The following ERC2 variants were observed in gnomAD, a reference collection of about 807,000 sequenced individuals.
ERC2 encodes the protein ERC protein 2.
Under a neutral mutation model 114.8 loss-of-function variants are expected in ERC2, and 42 were observed. That is an observed-to-expected ratio of 0.37 (90% CI 0.29 to 0.47). ERC2 has a LOEUF of 0.47. Among genes scored for constraint, ERC2 ranks in the 20% least tolerant of loss-of-function variants. The pLI is 0.99. For missense variants in ERC2, 939 were observed against 1,150.7 expected (o/e 0.82, Z 2.66); for synonymous variants, 454 against 425.5 (o/e 1.07, Z -0.82).
At chr3:56,075,341 G>A (rs572054388) in intron 7 of ERC2, among the ~76,000 whole-genome samples, 3 of 152,248 alleles carry the variant, frequency 2.0e-5, no homozygotes, top group South Asian at 2.1e-4. Context: ...GAGAGCAGCC[G>A]TCAACAGAAA....
intron 2 of ERC2, among the ~76,000 whole-genome samples, chr3:56,398,481 A>G (rs2060396145): frequency 6.6e-6 from 1 of 152,218 alleles, no homozygotes; most frequent in Admixed American, 6.5e-5. Flanking sequence ...CATTTGAGAC[A>G]TACTTATACT....
At chr3:56,142,131 C>T (rs2080890591) in intron 5 of ERC2, among the ~76,000 whole-genome samples, 1 of 152,074 alleles carries the variant, frequency 6.6e-6, no homozygotes, top group African/African-American at 2.4e-5. Flanking sequence ...ATTCACGTTT[C>T]TATTTAGCTG....
At chr3:55,520,251 C>A (rs1253258254) in intron 17 of ERC2, among the ~76,000 whole-genome samples, 1 of 151,272 alleles carries the variant, frequency 6.6e-6, no homozygotes, top group Non-Finnish European at 1.5e-5. Context: ...GCCTGGCCAA[C>A]GTGGTGAAAC....
At chr3:55,642,445 G>T (rs910622291) in intron 17 of ERC2, among the ~76,000 whole-genome samples, 2 of 149,734 alleles carry the variant, frequency 1.3e-5, no homozygotes, top group African/African-American at 4.9e-5. Context: ...AGCAATTCTT[G>T]TGCCTCAGCC....
intron 17 of ERC2, among the ~76,000 whole-genome samples, chr3:55,519,545 A>T (rs1391810286): frequency 6.6e-6 from 1 of 152,220 alleles, no homozygotes; most frequent in East Asian, 1.9e-4. Flanking sequence ...TTTAATACTT[A>T]GTACCATGAA....
intron 1 of ERC2, among the ~76,000 whole-genome samples, chr3:56,443,760 T>C (rs535376697): frequency 3.3e-5 from 5 of 152,204 alleles, no homozygotes; most frequent in Admixed American, 2.0e-4. Flanking sequence ...ATCAACTTTA[T>C]TGAGCAATCA....
At chr3:55,875,557 G>C (rs1423468740) in intron 14 of ERC2, among the ~76,000 whole-genome samples, 2 of 152,110 alleles carry the variant, frequency 1.3e-5, no homozygotes, top group African/African-American at 4.8e-5. Context: ...TGTCCCACTT[G>C]ACTGGCAGCT....
At chr3:56,172,341 A>G (rs763711346) in intron 4 of ERC2, among the ~76,000 whole-genome samples, 4 of 152,188 alleles carry the variant, frequency 2.6e-5, no homozygotes, top group Non-Finnish European at 5.9e-5. Flanking sequence ...AATGACCTAT[A>G]TTATTTTCAC....
chr3:56,020,684 A>T (rs2073646613), intron 7 of ERC2, among the ~76,000 whole-genome samples: 1 of 152,216 alleles, frequency 6.6e-6, no homozygotes, highest in African/African-American at 2.4e-5. Flanking sequence ...ACATTTGTGT[A>T]CACACATGTA....
intron 13 of ERC2, among the ~76,000 whole-genome samples, chr3:55,940,463 A>G (rs1468606897): frequency 6.6e-6 from 1 of 152,120 alleles, no homozygotes; most frequent in Non-Finnish European, 1.5e-5. Context: ...GCAAGAGCCA[A>G]GAGTCCAGCT....
chr3:55,542,063 G>T (rs371929128), intron 17 of ERC2, among the ~76,000 whole-genome samples: 2 of 152,168 alleles, frequency 1.3e-5, no homozygotes, highest in African/African-American at 4.8e-5. Flanking sequence ...TTTTACTGTT[G>T]AGAAAATTGA....
At chr3:56,360,446 G>A (rs1437279094) in intron 2 of ERC2, among the ~76,000 whole-genome samples, 2 of 152,098 alleles carry the variant, frequency 1.3e-5, no homozygotes, top group African/African-American at 4.8e-5. Context: ...TTGTCTAATG[G>A]GAAGGAAAGA....
At chr3:55,747,782 A>G (rs963620757) in intron 14 of ERC2, among the ~76,000 whole-genome samples, 1 of 152,268 alleles carries the variant, frequency 6.6e-6, no homozygotes, top group African/African-American at 2.4e-5. Context: ...TTCAGAGCCC[A>G]AGTTACAGAA....
chr3:56,386,029 T>C (rs2059920938), intron 2 of ERC2, among the ~76,000 whole-genome samples: 1 of 152,158 alleles, frequency 6.6e-6, no homozygotes, highest in Non-Finnish European at 1.5e-5. Flanking sequence ...CATCTCAGTT[T>C]TGAACAAGTA....
intron 3 of ERC2, among the ~76,000 whole-genome samples, chr3:56,272,104 ACAATTAACGCTCACACTT>A (rs1388430591): frequency 3.3e-5 from 5 of 152,168 alleles, no homozygotes; most frequent in African/African-American, 1.2e-4. Flanking sequence ...TCCAGATCTA[ACAATTAACGCTCACACTT>A]GGGAACTCTG....
intron 17 of ERC2, among the ~76,000 whole-genome samples, chr3:55,571,773 C>T (rs1283915775): frequency 6.6e-6 from 1 of 152,194 alleles, no homozygotes; most frequent in Non-Finnish European, 1.5e-5. Flanking sequence ...AGTGGCCTCA[C>T]CAGACCTGAT....
intron 12 of ERC2, among the ~76,000 whole-genome samples, chr3:55,974,163 C>G (rs764000480): frequency 6.6e-6 from 1 of 152,096 alleles, no homozygotes. Flanking sequence ...ATAAAAAACA[C>G]CTAAGCTCTG....
chr3:55,602,875 A>T (rs1207981386), intron 17 of ERC2, among the ~76,000 whole-genome samples: 1 of 152,086 alleles, frequency 6.6e-6, no homozygotes, highest in Non-Finnish European at 1.5e-5. Flanking sequence ...CTCATCCTTC[A>T]GAGTGTGTTT....
chr3:56,429,473 C>G (rs1480961938), intron 2 of ERC2, among the ~76,000 whole-genome samples: 1 of 152,170 alleles, frequency 6.6e-6, no homozygotes, highest in Non-Finnish European at 1.5e-5. Flanking sequence ...TAATCCCTTG[C>G]CCCACTCTCC....
Sources: allele counts gnomAD v4.1 joint callset (sites outside exome capture counted in the v4.1 genomes callset), GRCh38; gene constraint gnomAD v4.1.1; transcripts MANE v1.5; gene names NCBI Gene and HGNC (gene_info 2026-07-23, HGNC 2026-07-21).